The following SPATS2L variants were observed in gnomAD, a reference collection of about 807,000 sequenced individuals.
SPATS2L encodes SPATS2-like protein.
Under a neutral mutation model 59.6 loss-of-function variants are expected in SPATS2L, and 30 were observed. That is an observed-to-expected ratio of 0.50 (90% CI 0.38 to 0.68). The LOEUF (loss-of-function observed/expected upper bound fraction) is 0.68, where lower values mean the gene tolerates loss of function less well. SPATS2L is among the 30% of genes least tolerant of loss of function. SPATS2L has a pLI of 0.00. For synonymous variants in SPATS2L, 252 were observed against 263.5 expected (o/e 0.96, Z 0.42); for missense variants, 615 against 700.0 (o/e 0.88, Z 1.37).
chr2:200,456,547 C>T (rs1191450355), intron 8 of SPATS2L, among the ~76,000 whole-genome samples: 1 of 152,164 alleles, frequency 6.6e-6, no homozygotes, highest in South Asian at 2.1e-4. Flanking sequence ...CCCCAAATGT[C>T]CATCTTGTAA....
At chr2:200,444,909 G>A (rs2084934805) in intron 8 of SPATS2L, among the ~76,000 whole-genome samples, 1 of 151,922 alleles carries the variant, frequency 6.6e-6, no homozygotes, top group African/African-American at 2.4e-5. Flanking sequence ...TGGAAACTCA[G>A]TTATCTTATG....
At chr2:200,363,326 G>A (rs1351671609) in intron 2 of SPATS2L, among the ~76,000 whole-genome samples, 1 of 151,950 alleles carries the variant, frequency 6.6e-6, no homozygotes, top group Non-Finnish European at 1.5e-5. Flanking sequence ...ATACTCTATC[G>A]GGGACTTGTG....
chr2:200,398,157 G>C (rs555514919), intron 3 of SPATS2L, among the ~76,000 whole-genome samples: 3 of 152,290 alleles, frequency 2.0e-5, no homozygotes, highest in Non-Finnish European at 2.9e-5. Context: ...CAACCTCCTG[G>C]GGGGAGTGTG....
intron 5 of SPATS2L, among the ~76,000 whole-genome samples, chr2:200,418,285 T>C (rs900369714): frequency 2.0e-5 from 3 of 152,130 alleles, no homozygotes; most frequent in African/African-American, 7.2e-5. Flanking sequence ...GAAATATTCA[T>C]GGGATGGCAG....
chr2:200,390,970 G>A (rs575504498), intron 3 of SPATS2L: 8 of 151,928 alleles, frequency 5.3e-5, no homozygotes, highest in African/African-American at 1.7e-4. Context: ...AAGACAGCCT[G>A]ACCAACCTGG....
intron 1 of SPATS2L, among the ~76,000 whole-genome samples, chr2:200,324,179 A>G (rs1000939308): frequency 1.1e-4 from 17 of 152,142 alleles, no homozygotes; most frequent in African/African-American, 3.9e-4. Context: ...TTAGTCCCTT[A>G]AGACAACAGG....
intron 9 of SPATS2L, among the ~76,000 whole-genome samples, chr2:200,462,272 G>T (rs2086293272): frequency 6.6e-6 from 1 of 152,206 alleles, no homozygotes; most frequent in African/African-American, 2.4e-5. Context: ...AGACATGATA[G>T]TCTTTGATGC....
intron 3 of SPATS2L, among the ~76,000 whole-genome samples, chr2:200,408,116 T>G (rs976470828): frequency 2.6e-5 from 4 of 151,974 alleles, no homozygotes; most frequent in African/African-American, 9.7e-5. Flanking sequence ...GAGGCAAAGG[T>G]GACCTCTGGC....
chr2:200,446,896 AT>A (rs1231052579), intron 8 of SPATS2L, among the ~76,000 whole-genome samples: 3 of 152,202 alleles, frequency 2.0e-5, no homozygotes, highest in Non-Finnish European at 4.4e-5. Context: ...CTCACTACAC[AT>A]TTTAAAGGTC....
At chr2:200,378,961 C>T (rs980217417) in intron 2 of SPATS2L, among the ~76,000 whole-genome samples, 1 of 152,170 alleles carries the variant, frequency 6.6e-6, no homozygotes, top group Non-Finnish European at 1.5e-5. Flanking sequence ...TAACAGCAAG[C>T]GTGCCTCTAA....
intron 2 of SPATS2L, among the ~76,000 whole-genome samples, chr2:200,379,742 A>C (rs2081736731): frequency 6.6e-6 from 1 of 152,134 alleles, no homozygotes; most frequent in African/African-American, 2.4e-5. Flanking sequence ...AACCAATTAC[A>C]GTATGCTTGG....
chr2:200,380,580 C>T (rs2081771838), intron 2 of SPATS2L, among the ~76,000 whole-genome samples: 1 of 152,182 alleles, frequency 6.6e-6, no homozygotes, highest in African/African-American at 2.4e-5. Context: ...CTGTTAATGA[C>T]CTGTTTAAAT....
At chr2:200,396,011 G>GAAAAAAAAAAAAAA (rs1218853084) in intron 3 of SPATS2L, among the ~76,000 whole-genome samples, 4 of 10,592 alleles carry the variant, frequency 3.8e-4, no homozygotes, top group Admixed American at 2.5e-3. Flanking sequence ...ACTCGATCTG[G>GAAAAAAAAAAAAAA]AAAAAAAAAA....
At chr2:200,474,079 A>G (rs2087299662) in intron 12 of SPATS2L, among the ~76,000 whole-genome samples, 2 of 151,918 alleles carry the variant, frequency 1.3e-5, no homozygotes, top group South Asian at 4.1e-4. Context: ...GATACCTTTT[A>G]TCATCTCCAA....
chr2:200,343,428 G>A lies in SPATS2L; in HGVS notation c.-23+13948G>A, dbSNP rs76329932. Among the ~76,000 whole-genome samples, 6 of 152,310 alleles carry A rather than the reference G, an allele frequency of 3.9e-5. No individual in the cohort carries two copies. In the East Asian group the frequency reaches 1.2e-3, roughly 29 times the overall value. ...TATCATACTTCACCAACCCAAGGGT[G>A]CCTGTTTAGTTTCTCTTCATGTAGT... On this transcript the variant is annotated intron_variant, in intron 2 of 12. Transcript: ENST00000409140.
intron 3 of SPATS2L, among the ~76,000 whole-genome samples, chr2:200,406,766 C>A (rs553370695): frequency 3.5e-4 from 53 of 152,188 alleles, no homozygotes; most frequent in Non-Finnish European, 5.9e-4. Flanking sequence ...GTGACCATAT[C>A]TGTTTTGTTA....
Position 200,434,804 on chromosome 2 carries a change from A to G in SPATS2L, c.446-4318A>G, listed in dbSNP as rs893308503. On this transcript the variant is annotated intron_variant, in intron 6 of 12. Coordinates refer to ENST00000409140, the MANE Select transcript of SPATS2L (RefSeq NM_001100423.2). Reference sequence around the variant, plus strand: ...GCTTTATAGATTCAACACAAGTCCAATGAAAATCTCATCATATTTTTTGTT... The same window carrying G: ...GCTTTATAGATTCAACACAAGTCCAGTGAAAATCTCATCATATTTTTTGTT... Among the ~76,000 whole-genome samples the G allele has an allele frequency of 3.3e-5, 5 of 152,274 alleles. No homozygotes were observed. The East Asian group carries it at 5.8e-4, about 18-fold the overall frequency.
chr2:200,423,406 T>C (rs1403472840), intron 6 of SPATS2L, among the ~76,000 whole-genome samples: 1 of 152,180 alleles, frequency 6.6e-6, no homozygotes, highest in Non-Finnish European at 1.5e-5. Context: ...AGTAGAATGT[T>C]GGAACTAGAG....
chr2:200,473,714 G>T (rs142794740), intron 12 of SPATS2L, among the ~76,000 whole-genome samples: 2 of 152,070 alleles, frequency 1.3e-5, no homozygotes, highest in Admixed American at 6.6e-5. Flanking sequence ...AAAAAATTGG[G>T]ATCTGCCGGA....
Sources: allele counts gnomAD v4.1 joint callset (sites outside exome capture counted in the v4.1 genomes callset), GRCh38; gene constraint gnomAD v4.1.1; transcripts MANE v1.5; gene names NCBI Gene and HGNC (gene_info 2026-07-23, HGNC 2026-07-21).